Variants in BCAS3 observed in about 807,000 individuals in gnomAD.
BCAS3 encodes BCAS4/BCAS3 fusion.
Under a neutral mutation model 116.1 loss-of-function variants are expected in BCAS3, and 53 were observed. The ratio of observed to expected loss-of-function variants is 0.46; its 90% CI spans 0.37 to 0.57. The LOEUF is 0.57. Among genes scored for constraint, BCAS3 ranks in the 20% least tolerant of loss-of-function variants. The pLI, the probability that BCAS3 is intolerant of heterozygous loss-of-function variation, is 0.00. For synonymous variants in BCAS3, 391 were observed against 408.2 expected, an observed-to-expected ratio of 0.96 and a Z score of 0.51; for missense variants, 917 against 1,165.4, an observed-to-expected ratio of 0.79 and a Z score of 3.10.
intron 13 of BCAS3, among the ~76,000 whole-genome samples, chr17:60,925,194 G>C (rs8065020): frequency 0.27 from 41,462 of 151,838 alleles, 8,651 homozygotes; most frequent in African/African-American, 0.59. Context: ...GTATTGCCAC[G>C]ATGCTTGGCC....
rs1568317566 is a variant in BCAS3, at chr17:61,084,380, T to A, written c.2328-87T>A. 3.8e-6 allele frequency: 4 copies of A among 1,048,160 alleles called. No individual in the cohort carries two copies. In the East Asian group the frequency reaches 9.8e-5, roughly 26 times the overall value. 64.9% of individuals were successfully genotyped at this position (1,048,160 alleles called of 1,614,324 possible). On this transcript the variant is annotated intron_variant, in intron 21 of 23. Transcript: ENST00000407086. The surrounding 1 kb of genome is among the most constrained non-coding windows in gnomAD (Gnocchi z 5.5). ...ATGGTTCTTTAATGGATTGTGCTAC[T>A]CCAGCATTCCTGATTTAAGGTCATT...
At chr17:60,791,955 T>G (rs1421926098) in intron 6 of BCAS3, among the ~76,000 whole-genome samples, 1 of 151,896 alleles carries the variant, frequency 6.6e-6, no homozygotes, top group Non-Finnish European at 1.5e-5. Flanking sequence ...AAACCCCATC[T>G]CTACTAAAAA....
At chr17:61,022,518 A>G (rs1313065915) in intron 16 of BCAS3, among the ~76,000 whole-genome samples, 1 of 152,196 alleles carries the variant, frequency 6.6e-6, no homozygotes, top group Non-Finnish European at 1.5e-5. Flanking sequence ...TGCTGGAATT[A>G]CAGGCGTGAG....
intron 22 of BCAS3, among the ~76,000 whole-genome samples, chr17:61,335,504 G>A (rs1338372286): frequency 6.6e-6 from 1 of 152,174 alleles, no homozygotes; most frequent in African/African-American, 2.4e-5. Context: ...AGAGCTCCGG[G>A]GAGTCAGGGT....
At chr17:60,833,658 A>G (rs905223597) in intron 7 of BCAS3, among the ~76,000 whole-genome samples, 1 of 152,224 alleles carries the variant, frequency 6.6e-6, no homozygotes, top group African/African-American at 2.4e-5. Context: ...TTATGTTACA[A>G]ACAATTTATT....
intron 6 of BCAS3, among the ~76,000 whole-genome samples, chr17:60,775,581 TC>T (rs1228025870): frequency 2.3e-5 from 1 of 43,420 alleles, no homozygotes; most frequent in Non-Finnish European, 3.7e-5. Context: ...TTTCAGAATT[TC>T]TTTTTTTTTT....
At chr17:60,898,916 G>A (rs1379411833) in intron 10 of BCAS3, among the ~76,000 whole-genome samples, 1 of 152,142 alleles carries the variant, frequency 6.6e-6, no homozygotes, top group Non-Finnish European at 1.5e-5. Flanking sequence ...AGCTTTTGAG[G>A]CAGTGGCAGG....
chr17:60,777,951 A>G (rs2045463982), intron 6 of BCAS3, among the ~76,000 whole-genome samples: 1 of 152,160 alleles, frequency 6.6e-6, no homozygotes, highest in African/African-American at 2.4e-5. Context: ...CACTCCTTTC[A>G]CAATTCCTAA....
intron 6 of BCAS3, among the ~76,000 whole-genome samples, chr17:60,765,383 C>G (rs1291680251): frequency 6.6e-6 from 1 of 152,074 alleles, no homozygotes; most frequent in African/African-American, 2.4e-5. Flanking sequence ...TAAGGCAGGC[C>G]TGGTGGTGAC....
intron 5 of BCAS3, chr17:60,720,065 G>A (rs2144086081): frequency 6.6e-6 from 1 of 152,270 alleles, no homozygotes; most frequent in Admixed American, 6.5e-5. Context: ...CTCACTTAAA[G>A]TTTCAGTGGT....
In BCAS3 at chr17:61,332,676, C is replaced by T. The variant is rs183704558; in HGVS notation, c.2426-35651C>T. On this transcript the variant is annotated intron_variant, in intron 22 of 23. Transcript: ENST00000407086. The surrounding 1 kb of genome is among the most constrained non-coding windows in gnomAD (Gnocchi z 5.4). ...TGTCACCCAGGCTGGAGTGCAATGG[C>T]ATGATCTCGGCTCATAGCAGCCTCC... is the stretch of plus-strand genomic sequence containing the variant. 1.1e-4 allele frequency among the ~76,000 whole-genome samples: 17 copies of T among 152,270 alleles called. No individual in the cohort carries two copies. Among genetic ancestry groups the T allele is most frequent in the Admixed American group, 9.2e-4 (14 of 15,298 alleles).
intron 7 of BCAS3, among the ~76,000 whole-genome samples, chr17:60,861,853 G>A (rs533737587): frequency 6.6e-6 from 1 of 152,250 alleles, no homozygotes; most frequent in Non-Finnish European, 1.5e-5. Context: ...TGATCATGGT[G>A]GATTAGCTTT....
chr17:61,059,062 T>C (rs1338640183), intron 19 of BCAS3, among the ~76,000 whole-genome samples: 1 of 114,920 alleles, frequency 8.7e-6, no homozygotes, highest in African/African-American at 3.3e-5. Context: ...TTTCTCCCCA[T>C]CTTTTTTTTT....
At chr17:61,271,589 C>CTG (rs34693526) in intron 22 of BCAS3, among the ~76,000 whole-genome samples, 22,670 of 118,044 alleles carry the variant, frequency 0.19, 2,169 homozygotes, top group East Asian at 0.38. Flanking sequence ...ACGCCCAGCT[C>CTG]TGTGTGTGTG....
chr17:60,769,437 A>G (rs539852519), intron 6 of BCAS3, among the ~76,000 whole-genome samples: 2 of 152,196 alleles, frequency 1.3e-5, no homozygotes, highest in Non-Finnish European at 2.9e-5. Flanking sequence ...TTTGAAGCAC[A>G]TGGAAGTGCC....
At position 61,388,345 on chromosome 17, in the gene BCAS3, T is replaced by G; in HGVS notation, c.2594-3632T>G. ...CCACTTCCTAAAACTGTTCTTCATG[T>G]TGAACCTGTGACTCCTCTCCCCCTC... On this transcript the variant is annotated intron_variant, in intron 23 of 23. Transcript: ENST00000407086. The surrounding 1 kb of genome is among the most constrained non-coding windows in gnomAD (Gnocchi z 6.5). 2.4e-6 allele frequency: 1 copy of G among 418,684 alleles called. No individual in the cohort carries two copies. The highest frequency in any genetic ancestry group is 4.4e-6 in the Non-Finnish European group (1 of 228,996). The allele number at this position is 418,684 out of a possible 1,614,324, so 25.9% of individuals were successfully genotyped here.
intron 7 of BCAS3, among the ~76,000 whole-genome samples, chr17:60,863,507 G>A (rs564342972): frequency 3.0e-4 from 45 of 152,108 alleles, no homozygotes; most frequent in African/African-American, 1.1e-3. Flanking sequence ...AGCACTTTGG[G>A]GAGGTAAGGT....
chr17:60,966,128 C>T (rs1472741137), intron 14 of BCAS3, among the ~76,000 whole-genome samples: 1 of 152,090 alleles, frequency 6.6e-6, no homozygotes, highest in Admixed American at 6.6e-5. Context: ...TCTATTTTTT[C>T]ATGTAAGTAT....
At chr17:61,174,515 T>G (rs1382865527) in intron 22 of BCAS3, among the ~76,000 whole-genome samples, 2 of 152,232 alleles carry the variant, frequency 1.3e-5, no homozygotes, top group Non-Finnish European at 2.9e-5. Context: ...TAAGGCTGAA[T>G]AGTATTCCAT....
Sources: gnomAD v4.1 joint callset for allele counts (sites outside exome capture counted in the v4.1 genomes callset) on GRCh38, gnomAD v4.1.1 for gene constraint, Gnocchi (gnomAD v3.1) non-coding constraint, MANE v1.5 for transcripts, NCBI Gene and HGNC (gene_info 2026-07-23, HGNC 2026-07-21) for gene names.